VEPH1: variants seen among roughly 807,000 people sequenced by gnomAD.
VEPH1 encodes the protein ventricular zone-expressed PH domain-containing protein homolog 1.
In VEPH1, 80 loss-of-function variants were observed where a neutral mutation model predicts 85.2. That is an observed-to-expected ratio of 0.94 (90% confidence interval 0.78 to 1.13). The LOEUF is 1.13. Among genes scored for constraint, VEPH1 ranks in the 50% most tolerant of loss-of-function variants. VEPH1 has a pLI of 0.00. For synonymous variants in VEPH1, 297 were observed against 348.0 expected (o/e 0.85, Z 1.63); for missense variants, 955 against 980.5 (o/e 0.97, Z 0.35).
chr3:157,485,251 G>A (rs1256239445), intron 2 of VEPH1, among the ~76,000 whole-genome samples: 1 of 152,060 alleles, frequency 6.6e-6, no homozygotes, highest in Non-Finnish European at 1.5e-5. Context: ...AACATTGGTA[G>A]GAACAACAAG....
chr3:157,357,247 C>T (rs1725544950), intron 9 of VEPH1, among the ~76,000 whole-genome samples: 1 of 152,044 alleles, frequency 6.6e-6, no homozygotes, highest in South Asian at 2.1e-4. Flanking sequence ...TAGAGACACA[C>T]CTAAGGTGGA....
Position 157,425,234 on chromosome 3 carries a change from C to T in VEPH1, c.696+3088G>A, listed in dbSNP as rs555748452. The stretch of plus-strand genomic sequence containing the variant: ...AAAGTCAAGAATTGAGGTTTGGGAA[C>T]CTCTGCCTAGATTTCAGAGGCTGTA... On this transcript the variant is annotated intron_variant, in intron 5 of 13. Transcript: ENST00000362010. Among the ~76,000 whole-genome samples, 7 of 152,320 alleles carry T rather than the reference C, an allele frequency of 4.6e-5. No individual in the cohort carries two copies. In the South Asian group the frequency reaches 1.5e-3, roughly 32 times the overall value.
chr3:157,482,123 A>G (rs953855701), intron 2 of VEPH1, among the ~76,000 whole-genome samples: 8 of 151,972 alleles, frequency 5.3e-5, no homozygotes, highest in Non-Finnish European at 1.2e-4. Flanking sequence ...CAGCTTTGTA[A>G]TTTTTGCTTA....
intron 6 of VEPH1, among the ~76,000 whole-genome samples, chr3:157,395,453 G>A (rs910564886): frequency 6.6e-6 from 1 of 152,164 alleles, no homozygotes. Flanking sequence ...ATGTTGCTGA[G>A]CCCATGAATA....
chr3:157,415,880 T>G (rs9848774), intron 5 of VEPH1, among the ~76,000 whole-genome samples: 5 of 151,808 alleles, frequency 3.3e-5, no homozygotes, highest in African/African-American at 7.3e-5. Flanking sequence ...TCAGATGAAC[T>G]GTTATTTCCT....
intron 9 of VEPH1, among the ~76,000 whole-genome samples, chr3:157,327,451 T>C (rs959171708): frequency 6.6e-6 from 1 of 152,146 alleles, no homozygotes; most frequent in African/African-American, 2.4e-5. Context: ...ACATTTTCTC[T>C]GCAAATCTAA....
At chr3:157,453,848 T>C (rs768130546) in intron 4 of VEPH1, among the ~76,000 whole-genome samples, 4 of 152,176 alleles carry the variant, frequency 2.6e-5, no homozygotes, top group African/African-American at 7.2e-5. Context: ...CCCTGAGATA[T>C]GTAGCCCCAA....
intron 6 of VEPH1, among the ~76,000 whole-genome samples, chr3:157,384,574 T>C (rs1729097129): frequency 6.6e-6 from 1 of 152,194 alleles, no homozygotes; most frequent in Admixed American, 6.5e-5. Context: ...TGAAGGTCGT[T>C]GTTTGGGTAT....
intron 4 of VEPH1, among the ~76,000 whole-genome samples, chr3:157,445,932 C>T (rs55850097): frequency 0.099 from 14,982 of 152,082 alleles, 1,251 homozygotes; most frequent in South Asian, 0.22. Flanking sequence ...ACAACAACAA[C>T]TAAGCAATAA....
At chr3:157,303,943 G>A (rs1314257726) in intron 11 of VEPH1, among the ~76,000 whole-genome samples, 1 of 148,830 alleles carries the variant, frequency 6.7e-6, no homozygotes, top group Non-Finnish European at 1.5e-5. Context: ...ATATTCATAC[G>A]GCTCTTCTGG....
chr3:157,264,112 TGG>T (rs1465616519), intron 13 of VEPH1, among the ~76,000 whole-genome samples: 1 of 152,218 alleles, frequency 6.6e-6, no homozygotes, highest in Non-Finnish European at 1.5e-5. Flanking sequence ...ATTGGGGACC[TGG>T]ATAGAATAAC....
rs1734578142 is a variant in VEPH1, at chr3:157,446,664, T to C, written c.529+13517A>G. On this transcript the variant is annotated intron_variant, in intron 4 of 13. Transcript: ENST00000362010. ...TACTAAGGCCAAATGTTTCCAGCAT[T>C]GTCTTTCAGCCACTTAAGAAATGCA... Among the ~76,000 whole-genome samples, 3 of 152,340 alleles carry C rather than the reference T, an allele frequency of 2.0e-5. No individual in the cohort carries two copies. The South Asian group carries it at 6.2e-4, about 32-fold the overall frequency.
At chr3:157,277,709 T>C (rs1029163268) in intron 12 of VEPH1, among the ~76,000 whole-genome samples, 1 of 152,250 alleles carries the variant, frequency 6.6e-6, no homozygotes, top group African/African-American at 2.4e-5. Context: ...CACATATATG[T>C]GTACATATCC....
intron 2 of VEPH1, among the ~76,000 whole-genome samples, chr3:157,480,382 G>A (rs1737922850): frequency 1.3e-5 from 2 of 151,964 alleles, no homozygotes; most frequent in Admixed American, 1.3e-4. Context: ...GAGGTTTGGG[G>A]GCATAAATTA....
At chr3:157,352,720 A>G (rs1947497610) in intron 9 of VEPH1, among the ~76,000 whole-genome samples, 1 of 152,254 alleles carries the variant, frequency 6.6e-6, no homozygotes, top group Non-Finnish European at 1.5e-5. Context: ...CCTTGGCTGA[A>G]TAACTAATGT....
chr3:157,414,032 T>A lies in VEPH1; in HGVS notation c.755A>T (p.Asp252Val). 1 of 1,613,406 alleles carries A rather than the reference T, an allele frequency of 6.2e-7. No homozygotes were observed. The highest frequency in any genetic ancestry group is 8.5e-7 in the Non-Finnish European group (1 of 1,179,652). ...IGHLKDSTHN[D>V]IILNILIEIA... ...CTCTATGAGGATGTTTAGGATGATG[T>A]CATTATGGGTTGAATCCTTCAAATG... Residue 252 changes from aspartate (D) to valine (V), a missense_variant, in exon 6 of 14, where the codon GAC becomes GTC. Coordinates refer to ENST00000362010, the MANE Select transcript of VEPH1 (RefSeq NM_001167912.2).
At chr3:157,375,834 T>C (rs1278909682) in intron 7 of VEPH1, among the ~76,000 whole-genome samples, 1 of 152,100 alleles carries the variant, frequency 6.6e-6, no homozygotes, top group African/African-American at 2.4e-5. Flanking sequence ...AAGCATAAAA[T>C]CTCATAATCA....
intron 2 of VEPH1, among the ~76,000 whole-genome samples, chr3:157,483,384 A>AACACCCAAGAAAATAAGGCAATAT (rs1738315232): frequency 6.6e-6 from 1 of 152,190 alleles, no homozygotes; most frequent in Non-Finnish European, 1.5e-5. Context: ...AATATTACAA[A>AACACCCAAGAAAATAAGGCAATAT]ACACCCAAGA....
intron 4 of VEPH1, chr3:157,438,037 G>GCACACACA (rs781700719): frequency 0.016 from 7,973 of 514,354 alleles, 48 homozygotes; most frequent in African/African-American, 0.014. Context: ...GCGCGCGCGC[G>GCACACACA]CACACACACA....
Sources: allele counts gnomAD v4.1 joint callset (sites outside exome capture counted in the v4.1 genomes callset), GRCh38; gene constraint gnomAD v4.1.1; transcripts MANE v1.5; gene names NCBI Gene and HGNC (gene_info 2026-07-23, HGNC 2026-07-21).